The following CLASP2 variants were observed in gnomAD, a reference collection of about 807,000 sequenced individuals.
The protein encoded by CLASP2 is CLIP-associating protein 2.
Under a neutral mutation model 194.4 loss-of-function variants are expected in CLASP2, and 47 were observed. That is an observed-to-expected ratio of 0.24 (90% CI 0.19 to 0.31). The LOEUF is 0.31. CLASP2 is among the 10% of genes least tolerant of loss of function. The probability of loss-of-function intolerance (pLI) is 1.00; values close to 1 mark genes in which losing one functional copy is unlikely to be tolerated. For synonymous variants in CLASP2, 619 were observed against 633.5 expected (o/e 0.98, Z 0.34); for missense variants, 1,445 against 1,823.6 (o/e 0.79, Z 3.78).
At position 33,576,044 on chromosome 3, in the gene CLASP2, G is replaced by A. The variant is rs1005279685; in HGVS notation, c.2454+125C>T. 1.6e-5 allele frequency: 11 copies of A among 686,468 alleles called. No homozygotes were observed. In the East Asian group the frequency reaches 1.7e-4, roughly 10 times the overall value. 42.5% of individuals were successfully genotyped at this position (686,468 alleles called of 1,614,324 possible). Reference sequence around the variant, plus strand: ...ATATTCTGCTTTTTACACTGCCCACGTTTTATCTTTAGATTTAATCACTGA... The same window carrying A: ...ATATTCTGCTTTTTACACTGCCCACATTTTATCTTTAGATTTAATCACTGA... On this transcript the variant is annotated intron_variant, in intron 24 of 38. Transcript: ENST00000682230.
At chr3:33,684,117 C>T (rs1052142175) in intron 6 of CLASP2, among the ~76,000 whole-genome samples, 2 of 150,046 alleles carry the variant, frequency 1.3e-5, no homozygotes, top group African/African-American at 4.9e-5. Context: ...TGGTGGCAAG[C>T]GCCTCTAATC....
At chr3:33,610,549 A>T (rs919761317) in intron 13 of CLASP2, among the ~76,000 whole-genome samples, 16 of 152,086 alleles carry the variant, frequency 1.1e-4, no homozygotes, top group Non-Finnish European at 1.9e-4. Context: ...CTTCTGTCAC[A>T]TTCTTATTTT....
At chr3:33,536,748 C>T (rs1200945790) in intron 33 of CLASP2, among the ~76,000 whole-genome samples, 1 of 152,134 alleles carries the variant, frequency 6.6e-6, no homozygotes, top group African/African-American at 2.4e-5. Context: ...ATGGCTCAAA[C>T]CAGAAAGGCA....
At chr3:33,611,933 G>C in intron 13 of CLASP2, 68 bp downstream of exon 13, 3 of 1,063,038 alleles carry the variant, frequency 2.8e-6, no homozygotes, top group Non-Finnish European at 4.2e-6. Flanking sequence ...TCTTGCAGCA[G>C]ACAAATAATT....
intron 6 of CLASP2, among the ~76,000 whole-genome samples, chr3:33,680,637 T>C (rs921304964): frequency 6.6e-6 from 1 of 151,910 alleles, no homozygotes. Context: ...AGGGAGACCC[T>C]GTCTCTACAA....
chr3:33,702,929 T>C (rs1189062976), intron 1 of CLASP2, among the ~76,000 whole-genome samples: 1 of 152,166 alleles, frequency 6.6e-6, no homozygotes, highest in African/African-American at 2.4e-5. Flanking sequence ...AAAACATTAA[T>C]CTAGACAGAG....
At chr3:33,531,904 A>T (rs779048803) in intron 34 of CLASP2, among the ~76,000 whole-genome samples, 15 of 152,210 alleles carry the variant, frequency 9.9e-5, no homozygotes, top group Non-Finnish European at 2.2e-4. Flanking sequence ...GGAAACTGAA[A>T]CCCTTCTGCA....
intron 8 of CLASP2, among the ~76,000 whole-genome samples, chr3:33,643,611 C>A (rs2081738936): frequency 6.6e-6 from 1 of 151,738 alleles, no homozygotes; most frequent in South Asian, 2.1e-4. Context: ...ATATGTGCAT[C>A]TATATATATA....
intron 38 of CLASP2, among the ~76,000 whole-genome samples, chr3:33,499,626 G>A (rs1230435072): frequency 6.6e-6 from 1 of 151,844 alleles, no homozygotes; most frequent in East Asian, 1.9e-4. Flanking sequence ...TGGGATTACA[G>A]TTGTGAGCCA....
At chr3:33,715,480 TA>T (rs376773245) in intron 1 of CLASP2, among the ~76,000 whole-genome samples, 103 of 152,312 alleles carry the variant, frequency 6.8e-4, no homozygotes, top group African/African-American at 2.4e-3. Flanking sequence ...CTCCTCCTAC[TA>T]GAATCTAAGT....
chr3:33,644,493 C>A, intron 8 of CLASP2: 1 of 385,880 alleles, frequency 2.6e-6, no homozygotes, highest in Non-Finnish European at 4.8e-6. Context: ...CAAAAAACTT[C>A]CATAAATCTT....
chr3:33,548,844 T>C (rs2059574850), intron 30 of CLASP2, among the ~76,000 whole-genome samples: 1 of 145,234 alleles, frequency 6.9e-6, no homozygotes, highest in African/African-American at 2.5e-5. Context: ...CATAGCTCAC[T>C]GCACCCTTGA....
chr3:33,702,933 G>C (rs1257193667), intron 1 of CLASP2, among the ~76,000 whole-genome samples: 1 of 152,110 alleles, frequency 6.6e-6, no homozygotes. Context: ...CATTAATCTA[G>C]ACAGAGACCT....
In CLASP2 at chr3:33,496,465, CTT is replaced by C. The variant is rs1409072321; in HGVS notation, c.*2164_*2165del. ...TTTAAATAATCAGCTTTCTTATAGT[CTT>C]ATCAACTGAGATTATAAAATTGTAA... On this transcript the variant is annotated 3_prime_UTR_variant, in exon 39 of 39. Coordinates refer to ENST00000682230, the MANE Select transcript of CLASP2 (RefSeq NM_001365631.1). 1 of 152,118 alleles carries C rather than the reference CTT, an allele frequency of 6.6e-6. No individual in the cohort carries two copies. The highest frequency in any genetic ancestry group is 2.4e-5 in the African/African-American group (1 of 41,428). The allele number at this position is 152,118 out of a possible 1,614,324, so 9.4% of individuals were successfully genotyped here.
chr3:33,604,727 T>G (rs920253808), intron 16 of CLASP2, among the ~76,000 whole-genome samples: 1 of 152,192 alleles, frequency 6.6e-6, no homozygotes, highest in Non-Finnish European at 1.5e-5. Context: ...AATAAAATAC[T>G]GGCAGTGAAT....
At chr3:33,515,964 G>A (rs1046065596) in intron 36 of CLASP2, 59 bp downstream of exon 36, 3 of 1,505,088 alleles carry the variant, frequency 2.0e-6, no homozygotes, top group Non-Finnish European at 1.8e-6. Flanking sequence ...TTTACACAAT[G>A]GTTACATGTT....
At chr3:33,707,839 T>G (rs966330517) in intron 1 of CLASP2, among the ~76,000 whole-genome samples, 1 of 152,142 alleles carries the variant, frequency 6.6e-6, no homozygotes, top group Admixed American at 6.5e-5. Flanking sequence ...TTTTTTTAAA[T>G]AGAGACTGAG....
intron 7 of CLASP2, among the ~76,000 whole-genome samples, chr3:33,646,564 A>C (rs2082317501): frequency 1.3e-5 from 2 of 152,146 alleles, no homozygotes; most frequent in Admixed American, 1.3e-4. Flanking sequence ...AAATCTACAG[A>C]AAGTTAAGCA....
chr3:33,552,318 C>T (rs1487408260), intron 29 of CLASP2, among the ~76,000 whole-genome samples: 1 of 151,962 alleles, frequency 6.6e-6, no homozygotes, highest in African/African-American at 2.4e-5. Context: ...GAGGTTTCAC[C>T]ATGTTGGCCA....
Sources: allele counts gnomAD v4.1 joint callset (sites outside exome capture counted in the v4.1 genomes callset), GRCh38; gene constraint gnomAD v4.1.1; transcripts MANE v1.5; gene names NCBI Gene and HGNC (gene_info 2026-07-23, HGNC 2026-07-21).